HHAT: variants seen among roughly 807,000 people sequenced by gnomAD.
HHAT encodes the protein hedgehog acyltransferase.
A neutral mutation model predicts 70.8 loss-of-function variants in HHAT; 47 were observed. The observed-to-expected ratio is 0.66, with a 90% CI of 0.53 to 0.85. The LOEUF is 0.85. Ranked by LOEUF, HHAT falls within the 40% of genes least tolerant of loss-of-function variation. The pLI, the probability that HHAT is intolerant of heterozygous loss-of-function variation, is 0.00. For missense variants in HHAT, 609 were observed against 604.8 expected (o/e 1.01, Z -0.07); for synonymous variants, 228 against 247.6 (o/e 0.92, Z 0.74).
At chr1:210,442,062 C>T (rs2093526269) in intron 7 of HHAT, among the ~76,000 whole-genome samples, 1 of 142,504 alleles carries the variant, frequency 7.0e-6, no homozygotes, top group Non-Finnish European at 1.5e-5. Context: ...CATGTGATCT[C>T]ATTGTTCAGT....
chr1:210,586,977 T>G (rs550860262), intron 9 of HHAT, among the ~76,000 whole-genome samples: 5 of 152,216 alleles, frequency 3.3e-5, no homozygotes, highest in Non-Finnish European at 7.3e-5. Context: ...AGCTCTTTTC[T>G]TTATTGTGAA....
At chr1:210,589,830 G>A (rs1661271768) in intron 10 of HHAT, 1 of 152,128 alleles carries the variant, frequency 6.6e-6, no homozygotes, top group Admixed American at 6.6e-5. Context: ...CTTGCTCCAG[G>A]ACTCACTCAT....
Position 210,368,706 on chromosome 1 carries a change from ATACACAATACCTGT to A in HHAT, c.159+5791_159+5804del, listed in dbSNP as rs1366318978. ...CATGCTTGTACTTAGTACAGAATAG[ATACACAATACCTGT>A]TACTGTGGTTATTGTTACTTTTTTC... On this transcript the variant is annotated intron_variant, in intron 3 of 11. Coordinates refer to ENST00000261458, the MANE Select transcript of HHAT (RefSeq NM_018194.6). 2.0e-5 allele frequency among the ~76,000 whole-genome samples: 3 copies of A among 152,192 alleles called. No individual in the cohort carries two copies. In the East Asian group the frequency reaches 5.8e-4, roughly 29 times the overall value.
At chr1:210,657,675 C>T (rs774565332) in intron 11 of HHAT, among the ~76,000 whole-genome samples, 6 of 152,210 alleles carry the variant, frequency 3.9e-5, no homozygotes, top group Non-Finnish European at 5.9e-5. Flanking sequence ...GAGATGTTCA[C>T]GTAGTTTAGG....
At chr1:210,559,469 A>C (rs939028336) in intron 9 of HHAT, among the ~76,000 whole-genome samples, 6 of 152,232 alleles carry the variant, frequency 3.9e-5, no homozygotes, top group African/African-American at 1.4e-4. Context: ...AATTCCATTC[A>C]GCATTTATTA....
chr1:210,443,104 C>A (rs2093559256), intron 7 of HHAT, among the ~76,000 whole-genome samples: 1 of 152,116 alleles, frequency 6.6e-6, no homozygotes, highest in Admixed American at 6.5e-5. Context: ...AACAGGGAAT[C>A]CTTTCCCCAT....
intron 7 of HHAT, among the ~76,000 whole-genome samples, chr1:210,430,329 A>C (rs987781721): frequency 2.6e-5 from 4 of 151,814 alleles, no homozygotes; most frequent in Admixed American, 2.0e-4. Flanking sequence ...TAGTGGGGGA[A>C]TTATATTTAG....
intron 9 of HHAT, among the ~76,000 whole-genome samples, chr1:210,584,186 CCA>C (rs1659913639): frequency 1.3e-5 from 2 of 151,868 alleles, no homozygotes; most frequent in Non-Finnish European, 2.9e-5. Context: ...AAGTGACCCC[CCA>C]GCCTCGGCTT....
chr1:210,463,829 T>G (rs946191187), intron 7 of HHAT, among the ~76,000 whole-genome samples: 5 of 152,240 alleles, frequency 3.3e-5, no homozygotes, highest in African/African-American at 1.2e-4. Flanking sequence ...GATCTGACTT[T>G]TCGATTCTAG....
intron 1 of HHAT, among the ~76,000 whole-genome samples, chr1:210,341,412 G>C (rs1038337930): frequency 9.2e-5 from 14 of 152,220 alleles, no homozygotes; most frequent in African/African-American, 3.1e-4. Context: ...GCATCTTGCA[G>C]CCGTTATGTT....
intron 10 of HHAT, among the ~76,000 whole-genome samples, chr1:210,618,441 T>C (rs1196439480): frequency 6.6e-6 from 1 of 152,192 alleles, no homozygotes; most frequent in African/African-American, 2.4e-5. Context: ...TCAGTGATTA[T>C]ATGGAAGAAC....
chr1:210,419,940 A>T (rs889593439), intron 7 of HHAT, among the ~76,000 whole-genome samples: 2 of 152,238 alleles, frequency 1.3e-5, no homozygotes, highest in Non-Finnish European at 2.9e-5. Context: ...AATGGGGCTT[A>T]AACAATAAGG....
chr1:210,359,880 AAACCC>A, intron 2 of HHAT, among the ~76,000 whole-genome samples: 1 of 152,112 alleles, frequency 6.6e-6, no homozygotes, highest in Middle Eastern at 3.4e-3. Flanking sequence ...AACAAAAAAA[AAACCC>A]AGTCTCCGAA....
At chr1:210,601,021 T>C (rs1471535137) in intron 10 of HHAT, among the ~76,000 whole-genome samples, 5 of 152,046 alleles carry the variant, frequency 3.3e-5, no homozygotes, top group African/African-American at 1.2e-4. Flanking sequence ...TACACTTAAT[T>C]GAGGAAACAT....
intron 10 of HHAT, among the ~76,000 whole-genome samples, chr1:210,619,958 T>G (rs912652239): frequency 1.3e-5 from 2 of 152,258 alleles, no homozygotes; most frequent in South Asian, 4.1e-4. Flanking sequence ...TCTTCTGGTA[T>G]TCCCCCATTT....
upstream of HHAT, chr1:210,328,799 G>T (rs1013973715): frequency 2.7e-6 from 1 of 369,886 alleles, no homozygotes; most frequent in Non-Finnish European, 4.8e-6. Context: ...ACGCGGTTCA[G>T]AAACGCAGGC....
intron 9 of HHAT, among the ~76,000 whole-genome samples, chr1:210,577,109 A>C (rs1417650392): frequency 6.6e-6 from 1 of 151,150 alleles, no homozygotes; most frequent in Non-Finnish European, 1.5e-5. Context: ...TTTTACGTAT[A>C]AGATCATGTC....
At chr1:210,385,783 A>G (rs752210919) in intron 3 of HHAT, among the ~76,000 whole-genome samples, 1 of 152,246 alleles carries the variant, frequency 6.6e-6, no homozygotes, top group Non-Finnish European at 1.5e-5. Context: ...TCTAGCAGTT[A>G]GTAGCGGGTA....
At chr1:210,386,900 AT>A (rs1489481513) in intron 3 of HHAT, among the ~76,000 whole-genome samples, 1 of 152,214 alleles carries the variant, frequency 6.6e-6, no homozygotes, top group Non-Finnish European at 1.5e-5. Context: ...TCATTCCTTC[AT>A]TATAAATTTA....
Sources: gnomAD v4.1 joint callset for allele counts (sites outside exome capture counted in the v4.1 genomes callset) on GRCh38, gnomAD v4.1.1 for gene constraint, MANE v1.5 for transcripts, NCBI Gene and HGNC (gene_info 2026-07-23, HGNC 2026-07-21) for gene names.